TCF4: variants seen among roughly 807,000 people sequenced by gnomAD.
The protein encoded by TCF4 is SL3-3 enhancer factor 2.
A neutral mutation model predicts 82.1 loss-of-function variants in TCF4; 3 were observed. The observed-to-expected ratio is 0.04, with a 90% CI of 0.02 to 0.09. The LOEUF is 0.09. TCF4 is among the 10% of genes least tolerant of loss of function. The probability of loss-of-function intolerance (pLI) is 1.00; values close to 1 mark genes in which losing one functional copy is unlikely to be tolerated. For missense variants in TCF4, 518 were observed against 852.7 expected, an observed-to-expected ratio of 0.61 and a Z score of 4.89; for synonymous variants, 276 against 309.6, an observed-to-expected ratio of 0.89 and a Z score of 1.14.
At chr18:55,261,729 AC>A (rs2058118010) in intron 11 of TCF4, among the ~76,000 whole-genome samples, 196 bp from the exon 12 acceptor site, 1 of 152,194 alleles carries the variant, frequency 6.6e-6, no homozygotes, top group African/African-American at 2.4e-5. Context: ...TAAAATATAA[AC>A]CTGACACCTT....
intron 3 of TCF4, among the ~76,000 whole-genome samples, chr18:55,559,941 G>A (rs960109026): frequency 6.6e-6 from 1 of 152,102 alleles, no homozygotes; most frequent in African/African-American, 2.4e-5. Context: ...GTGCACATGT[G>A]GGGCCTTGAT....
intron 8 of TCF4, among the ~76,000 whole-genome samples, chr18:55,295,672 A>C (rs1215012448): frequency 6.6e-6 from 1 of 152,140 alleles, no homozygotes; most frequent in Non-Finnish European, 1.5e-5. Context: ...TAGGGCTCAC[A>C]AGTCGCTTTT....
intron 5 of TCF4, among the ~76,000 whole-genome samples, chr18:55,455,179 C>CAAAAAAAAAAAAAAAAA (rs35889370): frequency 5.2e-4 from 35 of 67,402 alleles, no homozygotes; most frequent in African/African-American, 7.7e-4. Flanking sequence ...GACTCTGTCT[C>CAAAAAAAAAAAAAAAAA]AAAAAAAAAA....
rs552674109 is a variant in TCF4, at chr18:55,356,763, A to G, written c.370-5760T>C. Among the ~76,000 whole-genome samples the G allele has an allele frequency of 4.1e-4, 63 of 152,310 alleles. 2 individuals carry two copies. The South Asian group carries it at 0.012, about 30-fold the overall frequency. ...TTATACTTATCAAGCGTTGTTTTAA[A>G]AAAAATCTTTTACTTCTCCATGACA... On this transcript the variant is annotated intron_variant, in intron 6 of 19. Transcript: ENST00000354452.
At chr18:55,402,008 T>A (rs2093848318) in intron 6 of TCF4, 1 of 983,186 alleles carries the variant, frequency 1.0e-6, no homozygotes, top group African/African-American at 1.7e-5. Context: ...GACACAGCAC[T>A]CAGAGGCTTG....
At chr18:55,388,154 TA>T (rs1392570211) in intron 6 of TCF4, among the ~76,000 whole-genome samples, 1 of 152,194 alleles carries the variant, frequency 6.6e-6, no homozygotes. Flanking sequence ...GTTACAAAAT[TA>T]AAATCATATA....
intron 3 of TCF4, among the ~76,000 whole-genome samples, chr18:55,549,436 C>A (rs1263665375): frequency 6.6e-6 from 1 of 152,056 alleles, no homozygotes. Context: ...TAGCTGAAAA[C>A]AAAACATACT....
At chr18:55,546,272 C>T (rs796753538) in intron 3 of TCF4, among the ~76,000 whole-genome samples, 11 of 152,210 alleles carry the variant, frequency 7.2e-5, no homozygotes, top group African/African-American at 2.6e-4. Context: ...CTGGAAATTT[C>T]AGGCTGCAGT....
intron 3 of TCF4, among the ~76,000 whole-genome samples, chr18:55,487,951 T>C (rs962220016): frequency 2.0e-5 from 3 of 152,146 alleles, no homozygotes; most frequent in African/African-American, 7.2e-5. Flanking sequence ...AAAGCCCCTG[T>C]TAAAGCCACA....
At chr18:55,568,881 G>C (rs1006921480) in intron 3 of TCF4, among the ~76,000 whole-genome samples, 1 of 152,118 alleles carries the variant, frequency 6.6e-6, no homozygotes, top group Non-Finnish European at 1.5e-5. Flanking sequence ...ATTTTTAAAA[G>C]AGTAATGAAG....
chr18:55,386,405 G>C (rs557661490), intron 6 of TCF4, among the ~76,000 whole-genome samples: 37 of 152,102 alleles, frequency 2.4e-4, no homozygotes, highest in African/African-American at 8.7e-4. Context: ...GGTATCTTCT[G>C]ACCGAAAGCT....
At chr18:55,374,484 T>C (rs1430002171) in intron 6 of TCF4, among the ~76,000 whole-genome samples, 1 of 152,094 alleles carries the variant, frequency 6.6e-6, no homozygotes, top group African/African-American at 2.4e-5. Context: ...AGAGAAAGTA[T>C]GTATAATTTT....
rs192906361 is a variant in TCF4, at chr18:55,416,766, G to C, written c.305-13248C>G. 6.6e-5 allele frequency among the ~76,000 whole-genome samples: 10 copies of C among 152,322 alleles called. No individual in the cohort carries two copies. In the East Asian group the frequency reaches 1.9e-3, roughly 29 times the overall value. Reference sequence around the variant, plus strand: ...CAGTTCTGAAATGTTTACACAATCTGTTAAGTCCAGGGAAATTTAAATGAC... The same window carrying C: ...CAGTTCTGAAATGTTTACACAATCTCTTAAGTCCAGGGAAATTTAAATGAC... On this transcript the variant is annotated intron_variant, in intron 5 of 19. Transcript: ENST00000354452.
At chr18:55,433,101 C>A (rs983782517) in intron 5 of TCF4, among the ~76,000 whole-genome samples, 1 of 152,198 alleles carries the variant, frequency 6.6e-6, no homozygotes, top group Non-Finnish European at 1.5e-5. Context: ...ATATCTAATA[C>A]TTCTAACCTG....
At position 55,351,430 on chromosome 18, in the gene TCF4, T is replaced by G. The variant is rs1027273320; in HGVS notation, c.370-427A>C. On this transcript the variant is annotated intron_variant, in intron 6 of 19. Transcript: ENST00000354452. ...TGGCTGCATACACTGGGGGTAAGTG[T>G]AGCCTATGAACTCGACTGAGAACCC... 25 of 199,774 alleles carry G rather than the reference T, an allele frequency of 1.3e-4. No individual in the cohort carries two copies. The South Asian group carries it at 1.8e-3, about 14-fold the overall frequency. The allele number at this position is 199,774 out of a possible 1,614,324, so 12.4% of individuals were successfully genotyped here.
In TCF4 at chr18:55,431,911, G is replaced by A. The variant is rs541677113; in HGVS notation, c.305-28393C>T. On this transcript the variant is annotated intron_variant, in intron 5 of 19. Coordinates refer to ENST00000354452, the MANE Select transcript of TCF4 (RefSeq NM_001083962.2). The stretch of plus-strand genomic sequence containing the variant: ...CAACTAGAGAAGCAAGAGGACATAG[G>A]GAGCTACCAAAAGGCGGTGCACGGA... 1.5e-3 allele frequency among the ~76,000 whole-genome samples: 225 copies of A among 152,296 alleles called. 2 individuals carry two copies. The highest frequency in any genetic ancestry group is 5.1e-3 in the African/African-American group (211 of 41,562).
At chr18:55,298,848 A>G (rs2067272939) in intron 8 of TCF4, among the ~76,000 whole-genome samples, 5 of 152,216 alleles carry the variant, frequency 3.3e-5, no homozygotes, top group African/African-American at 1.2e-4. Flanking sequence ...CTACATCATA[A>G]GGAGAAAGTT....
At chr18:55,349,641 C>G (rs1447975934) in intron 8 of TCF4, among the ~76,000 whole-genome samples, 1 of 151,860 alleles carries the variant, frequency 6.6e-6, no homozygotes, top group African/African-American at 2.4e-5. Context: ...TAGAAATGGA[C>G]TAGTCCTAAA....
chr18:55,578,421 C>G (rs527719704), intron 3 of TCF4, among the ~76,000 whole-genome samples: 1 of 151,958 alleles, frequency 6.6e-6, no homozygotes, highest in Non-Finnish European at 1.5e-5. Flanking sequence ...GACTTTTAAC[C>G]CTCCCGAACC....
Sources: allele counts gnomAD v4.1 joint callset (sites outside exome capture counted in the v4.1 genomes callset), GRCh38; gene constraint gnomAD v4.1.1; transcripts MANE v1.5; gene names NCBI Gene and HGNC (gene_info 2026-07-23, HGNC 2026-07-21).